The following CLDN2 variants were observed in gnomAD, a reference collection of about 807,000 sequenced individuals.
CLDN2 encodes claudin 2, also known as claudin-2.
Under a neutral mutation model 8.2 loss-of-function variants are expected in CLDN2, and 1 was observed. The observed-to-expected ratio is 0.12, with a 90% CI of 0.04 to 0.58. The LOEUF is 0.58. CLDN2 is among the 20% of genes least tolerant of loss of function. The pLI is 0.90. For missense variants in CLDN2, 108 were observed against 172.9 expected, an observed-to-expected ratio of 0.62 and a Z score of 2.11; for synonymous variants, 70 against 70.2, an observed-to-expected ratio of 1.00 and a Z score of 0.01.
At chrX:106,902,197 C>T in intron 1 of CLDN2, 1 of 1,184,480 alleles carries the variant, frequency 8.4e-7, no homozygotes, top group South Asian at 1.9e-5. Flanking sequence ...ACAGCCAGGG[C>T]CTCCAGAGAC....
rs1377301686 is a variant in CLDN2 at position 106,920,481 on chromosome X, C to T, written c.-249C>T. The T allele has an allele frequency of 9.0e-6, 1 of 110,652 alleles. No homozygotes were observed. Among genetic ancestry groups the T allele is most frequent in the East Asian group, 2.9e-4 (1 of 3,497 alleles). 9.1% of individuals were successfully genotyped at this position (110,652 alleles called of 1,213,427 possible). A position where few individuals can be genotyped will look rare whatever the true frequency, so the allele number is the denominator to read the frequency against. ...GCCCGTGGCCCCTTGTACTTCGCTC[C>T]CCTCCCTCAGGATCCCTTTCTCCCT... On this transcript the variant is annotated 5_prime_UTR_variant, in exon 1 of 2. Coordinates refer to ENST00000336803, the MANE Select transcript of CLDN2 (RefSeq NM_020384.4).
In CLDN2 at chrX:106,929,188, C is replaced by T. The variant is rs1334666073; in HGVS notation, c.*267C>T. On this transcript the variant is annotated 3_prime_UTR_variant, in exon 2 of 2. Transcript: ENST00000336803. The stretch of plus-strand genomic sequence containing the variant: ...CCTGCCCTAAGTCCCCAACCCTCAA[C>T]TTGAAACCCCATTCCCTTAAGCCAG... 1.0e-5 allele frequency: 4 copies of T among 391,838 alleles called. No individual in the cohort carries two copies. The highest frequency in any genetic ancestry group is 7.6e-5 in the African/African-American group (3 of 39,433). 32.3% of individuals were successfully genotyped at this position (391,838 alleles called of 1,213,427 possible).
At chrX:106,901,989 C>T (rs960284522) in intron 1 of CLDN2, 3 of 472,656 alleles carry the variant, frequency 6.3e-6, no homozygotes, top group South Asian at 3.6e-5. Context: ...TGGATCTGCT[C>T]TCTGTTGGAA....
At chrX:106,911,493 C>G (rs750308310) in intron 1 of CLDN2, among the ~76,000 whole-genome samples, 1 of 111,207 alleles carries the variant, frequency 9.0e-6, no homozygotes, top group East Asian at 2.8e-4. Context: ...ACCCCCCAAA[C>G]CCCTGCCAAG....
intron 1 of CLDN2, among the ~76,000 whole-genome samples, chrX:106,909,456 T>G (rs1933220067): frequency 9.0e-6 from 1 of 111,103 alleles, no homozygotes; most frequent in Non-Finnish European, 1.9e-5. Flanking sequence ...GAATGCCAGG[T>G]TGAAATTTCC....
intron 1 of CLDN2, among the ~76,000 whole-genome samples, chrX:106,907,049 C>T (rs1933485932): frequency 8.9e-6 from 1 of 112,161 alleles, no homozygotes; most frequent in South Asian, 3.8e-4. Context: ...AGCAGCTTGG[C>T]TCCAGCCACA....
rs202232558 is a variant in CLDN2 at position 106,928,040 on chromosome X, A to AT, written c.-178-3dup. On this transcript the variant is annotated splice_polypyrimidine_tract_variant and intron_variant, in intron 1 of 1. Coordinates refer to ENST00000336803, the MANE Select transcript of CLDN2 (RefSeq NM_020384.4). ...GGTCAATATTTAATCTGGTTTATGG[A>AT]TTTTTTTTAGGTCTTCTAGATGCCT... The AT allele has an allele frequency of 0.014, 5,158 of 374,752 alleles. 71 individuals carry two copies. Among genetic ancestry groups the AT allele is most frequent in the African/African-American group, 0.065 (2,548 of 39,212 alleles). 30.9% of individuals were successfully genotyped at this position (374,752 alleles called of 1,213,427 possible).
intron 1 of CLDN2, among the ~76,000 whole-genome samples, chrX:106,921,149 C>T (rs73533021): frequency 0.064 from 7,196 of 112,116 alleles, 601 homozygotes; most frequent in African/African-American, 0.22. Flanking sequence ...CCGGGGAGAT[C>T]GTAGGCGATT....
At chrX:106,902,283 G>A (rs370677730) in intron 1 of CLDN2, 74 of 940,644 alleles carry the variant, frequency 7.9e-5, no homozygotes, top group Middle Eastern at 2.7e-4. Context: ...GAGATAACAA[G>A]AGACCTCCCA....
intron 1 of CLDN2, among the ~76,000 whole-genome samples, chrX:106,923,615 A>G (rs1933425410): frequency 9.0e-6 from 1 of 111,722 alleles, no homozygotes; most frequent in Non-Finnish European, 1.9e-5. Flanking sequence ...TAACTCAGTG[A>G]CAGCCCCACT....
At chrX:106,901,524 T>G (rs1315837739) in intron 1 of CLDN2, 1 of 1,211,361 alleles carries the variant, frequency 8.3e-7, no homozygotes, top group Admixed American at 2.2e-5. Context: ...CAGCAGCCGT[T>G]GCCCCACCAG....
upstream of CLDN2, among the ~76,000 whole-genome samples, chrX:106,916,791 T>C (rs1328764791): frequency 8.9e-6 from 1 of 111,863 alleles, no homozygotes; most frequent in Non-Finnish European, 1.9e-5. Flanking sequence ...CTCACACCTG[T>C]AATCCCAGCG....
Position 106,928,598 on chromosome X carries a change from T to G in CLDN2, c.370T>G (p.Phe124Val). 1 of 1,211,386 alleles carries G rather than the reference T, an allele frequency of 8.3e-7. No homozygotes were observed. The highest frequency in any genetic ancestry group is 1.1e-6 in the Non-Finnish European group (1 of 895,337). The change falls in exon 2 of 2, where the codon TTT becomes GTT. Residue 124 changes from phenylalanine (F) to valine (V), a missense_variant. Phe to Val is a conservative substitution (Grantham distance 50). This residue lies in a region of CLDN2 where 81 missense variants were observed against 100.8 expected (regional missense o/e 0.80). Coordinates refer to ENST00000336803, the MANE Select transcript of CLDN2 (RefSeq NM_020384.4). ...CAGAGTGGCGGTAGCAGGTGGAGTC[T>G]TTTTCATCCTTGGAGGCCTCCTGGG... ...KDRVAVAGGV[F>V]FILGGLLGFI...
chrX:106,924,243 CAA>C (rs1933434483), intron 1 of CLDN2, among the ~76,000 whole-genome samples: 1 of 110,524 alleles, frequency 9.0e-6, no homozygotes, highest in African/African-American at 3.3e-5. Flanking sequence ...ATCTTGGCTG[CAA>C]AGAGAATGAT....
At position 106,903,062 on chromosome X, in the gene CLDN2, C is replaced by A. The variant is rs1933128439; in HGVS notation, c.-179+2558C>A. On this transcript the variant is annotated intron_variant, in intron 1 of 1. Transcript: ENST00000541806. ...ACAGAGAACAGGGTGCCCTGGACATCTCATTTTCCTTCCTCTCTCAGGAAG... is the reference window on the plus strand; with the variant it reads ...ACAGAGAACAGGGTGCCCTGGACATATCATTTTCCTTCCTCTCTCAGGAAG... 10 of 1,143,293 alleles carry A rather than the reference C, an allele frequency of 8.7e-6. No homozygotes were observed. In the South Asian group the frequency reaches 1.9e-4, roughly 21 times the overall value. 94.2% of individuals were successfully genotyped at this position (1,143,293 alleles called of 1,213,427 possible). A position where few individuals can be genotyped will look rare whatever the true frequency, so the allele number is the denominator to read the frequency against.
chrX:106,926,949 G>A (rs976700803), intron 1 of CLDN2, among the ~76,000 whole-genome samples: 25 of 102,674 alleles, frequency 2.4e-4, no homozygotes, highest in Non-Finnish European at 4.9e-4. Flanking sequence ...CAGGTGTGGT[G>A]ATGCGCTCCT....
intron 1 of CLDN2, among the ~76,000 whole-genome samples, chrX:106,903,695 GC>G (rs1933141865): frequency 8.9e-6 from 1 of 112,037 alleles, no homozygotes; most frequent in Non-Finnish European, 1.9e-5. Flanking sequence ...GAATAGACAG[GC>G]CTTTAACTAA....
intron 1 of CLDN2, chrX:106,901,659 G>A: frequency 1.4e-6 from 1 of 695,824 alleles, no homozygotes; most frequent in Non-Finnish European, 2.2e-6. Context: ...ACATCTCTGG[G>A]ACCCAGCAAC....
upstream of CLDN2, among the ~76,000 whole-genome samples, chrX:106,916,596 T>C (rs1401828407): frequency 1.8e-5 from 2 of 110,865 alleles, no homozygotes; most frequent in African/African-American, 6.6e-5. Flanking sequence ...AAAAGCTAAA[T>C]TTTGGAGGTA....
Sources: gnomAD v4.1 joint callset for allele counts (sites outside exome capture counted in the v4.1 genomes callset) on GRCh38, gnomAD v4.1.1 for gene constraint, gnomAD v4.1.1 regional missense constraint, MANE v1.5 for transcripts, NCBI Gene and HGNC (gene_info 2026-07-23, HGNC 2026-07-21) for gene names.